Variants in LIN9 observed in about 807,000 individuals in gnomAD.
LIN9 encodes protein lin-9 homolog.
In LIN9, 18 loss-of-function variants were observed where a neutral mutation model predicts 78.0. The observed-to-expected ratio is 0.23, with a 90% CI of 0.16 to 0.34. LIN9 has a LOEUF of 0.34. Among genes scored for constraint, LIN9 ranks in the 10% least tolerant of loss-of-function variants. The pLI is 1.00. For synonymous variants in LIN9, 192 were observed against 215.2 expected, an observed-to-expected ratio of 0.89 and a Z score of 0.94; for missense variants, 451 against 644.1, an observed-to-expected ratio of 0.70 and a Z score of 3.25.
At chr1:226,262,067 T>C (rs1383050639) in intron 10 of LIN9, among the ~76,000 whole-genome samples, 3 of 152,198 alleles carry the variant, frequency 2.0e-5, no homozygotes, top group African/African-American at 7.2e-5. Context: ...CTGCAACAAC[T>C]GGACATCCAC....
intron 6 of LIN9, 83 bp downstream of exon 6, chr1:226,286,250 C>T: frequency 6.9e-7 from 1 of 1,458,978 alleles, no homozygotes; most frequent in Non-Finnish European, 9.2e-7. Flanking sequence ...CCATCTTAGC[C>T]TTCCAAGTAA....
At chr1:226,252,096 G>C (rs909702984) in intron 10 of LIN9, among the ~76,000 whole-genome samples, 1 of 151,908 alleles carries the variant, frequency 6.6e-6, no homozygotes, top group East Asian at 1.9e-4. Flanking sequence ...CGTGAGTCTA[G>C]GAGTTTGAGA....
Position 226,238,448 on chromosome 1 carries a change from T to C in LIN9, c.1245+523A>G, listed in dbSNP as rs1013086284. On this transcript the variant is annotated intron_variant, in intron 12 of 14. Transcript: ENST00000681046. ...GAGTTTGAGACCAGCCTGAGCAACA[T>C]AGCGAGACTTCATCTCTATAAAAAA... 5.3e-5 allele frequency among the ~76,000 whole-genome samples: 8 copies of C among 152,066 alleles called. No homozygotes were observed. The East Asian group carries it at 1.2e-3, about 22-fold the overall frequency.
At chr1:226,241,365 CT>C (rs1279318440) in intron 11 of LIN9, among the ~76,000 whole-genome samples, 1 of 152,078 alleles carries the variant, frequency 6.6e-6, no homozygotes, top group African/African-American at 2.4e-5. Flanking sequence ...AAAGTGTATA[CT>C]TTTGCAGACT....
At chr1:226,262,820 C>T (rs937936373) in intron 10 of LIN9, among the ~76,000 whole-genome samples, 3 of 152,172 alleles carry the variant, frequency 2.0e-5, no homozygotes, top group African/African-American at 4.8e-5. Flanking sequence ...TACGGCCACA[C>T]AAAAACCTGC....
intron 4 of LIN9, 141 bp downstream of exon 4, chr1:226,295,701 T>TC: frequency 1.8e-6 from 1 of 542,142 alleles, no homozygotes; most frequent in Non-Finnish European, 3.2e-6. Flanking sequence ...ATTTTCTAGG[T>TC]AACTAAAACA....
intron 11 of LIN9, among the ~76,000 whole-genome samples, chr1:226,248,993 C>T (rs938134409): frequency 6.6e-6 from 1 of 152,206 alleles, no homozygotes; most frequent in African/African-American, 2.4e-5. Flanking sequence ...CTGAAGCCTA[C>T]ATCTCCTTGG....
intron 12 of LIN9, among the ~76,000 whole-genome samples, chr1:226,234,460 T>A (rs1657555492): frequency 6.6e-6 from 1 of 152,220 alleles, no homozygotes; most frequent in South Asian, 2.1e-4. Context: ...TATTTATTTA[T>A]TCTGAAGCTC....
intron 7 of LIN9, among the ~76,000 whole-genome samples, chr1:226,272,802 C>T (rs1292821891): frequency 6.6e-6 from 1 of 151,942 alleles, no homozygotes; most frequent in African/African-American, 2.4e-5. Context: ...CCTTTTTGAC[C>T]CCCACATTCT....
intron 11 of LIN9, among the ~76,000 whole-genome samples, chr1:226,244,427 G>A (rs991299653): frequency 1.3e-5 from 2 of 151,904 alleles, no homozygotes; most frequent in East Asian, 1.9e-4. Context: ...GCAAGACTCC[G>A]TCTCAAAAAA....
chr1:226,250,035 T>C (rs777304088), intron 11 of LIN9, among the ~76,000 whole-genome samples: 6 of 152,020 alleles, frequency 3.9e-5, no homozygotes, highest in Non-Finnish European at 2.9e-5. Flanking sequence ...CTGGTCGTGG[T>C]GGTGTGCGCC....
At chr1:226,253,644 G>A (rs577017959) in intron 10 of LIN9, among the ~76,000 whole-genome samples, 5 of 151,902 alleles carry the variant, frequency 3.3e-5, no homozygotes, top group East Asian at 2.0e-4. Context: ...GGCCGGGTAC[G>A]GTGGCTCACG....
chr1:226,245,446 A>G (rs1444222679), intron 11 of LIN9, among the ~76,000 whole-genome samples: 4 of 151,140 alleles, frequency 2.6e-5, no homozygotes, highest in African/African-American at 9.7e-5. Context: ...CCCAAGAAAC[A>G]GGGTCTCACT....
At chr1:226,237,128 C>T (rs1306432960) in intron 12 of LIN9, among the ~76,000 whole-genome samples, 2 of 152,110 alleles carry the variant, frequency 1.3e-5, no homozygotes, top group Admixed American at 1.3e-4. Flanking sequence ...AGGAAAGGAG[C>T]CTATCACAAA....
intron 10 of LIN9, among the ~76,000 whole-genome samples, chr1:226,254,243 T>C (rs2102876358): frequency 6.6e-6 from 1 of 152,348 alleles, no homozygotes; most frequent in South Asian, 2.1e-4. Context: ...CCTAAAGTGC[T>C]GGGATTGTAG....
chr1:226,274,581 CT>C (rs1660514416), intron 7 of LIN9, among the ~76,000 whole-genome samples: 1 of 151,952 alleles, frequency 6.6e-6, no homozygotes, highest in African/African-American at 2.4e-5. Context: ...ATAATGTCCC[CT>C]CTCTCCTGTT....
chr1:226,309,038 G>A, intron 1 of LIN9, 71 bp downstream of exon 1: 1 of 1,286,820 alleles, frequency 7.8e-7, no homozygotes, highest in Non-Finnish European at 1.0e-6. Flanking sequence ...ACGGCCGTCC[G>A]TCCCGGCCGG....
chr1:226,244,569 G>A (rs922834988), intron 11 of LIN9, among the ~76,000 whole-genome samples: 1 of 152,180 alleles, frequency 6.6e-6, no homozygotes, highest in African/African-American at 2.4e-5. Context: ...ACAAAGTAAT[G>A]AAAGATTTTC....
intron 11 of LIN9, among the ~76,000 whole-genome samples, chr1:226,245,379 G>A (rs1026574846): frequency 6.6e-6 from 1 of 151,840 alleles, no homozygotes; most frequent in African/African-American, 2.4e-5. Flanking sequence ...CACCAATACA[G>A]TGTTTTGTTA....
Sources: allele counts gnomAD v4.1 joint callset (sites outside exome capture counted in the v4.1 genomes callset), GRCh38; gene constraint gnomAD v4.1.1; transcripts MANE v1.5; gene names NCBI Gene and HGNC (gene_info 2026-07-23, HGNC 2026-07-21).